The following COPG2 variants were observed in gnomAD, a reference collection of about 807,000 sequenced individuals.
The protein encoded by COPG2 is coatomer subunit gamma-2.
COPG2 carries 37 observed loss-of-function variants against 46.3 expected under a neutral mutation model. That is an observed-to-expected ratio of 0.80 (90% CI 0.61 to 1.05). The LOEUF (loss-of-function observed/expected upper bound fraction) is 1.05, where lower values mean the gene tolerates loss of function less well. Among genes scored for constraint, COPG2 ranks in the 50% least tolerant of loss-of-function variants. The pLI is 0.00. For synonymous variants in COPG2, 159 were observed against 129.7 expected, an observed-to-expected ratio of 1.23 and a Z score of -1.53; for missense variants, 427 against 387.8, an observed-to-expected ratio of 1.10 and a Z score of -0.85.
At chr7:130,518,228 A>T (rs1799694598) in intron 20 of COPG2, among the ~76,000 whole-genome samples, 1 of 152,228 alleles carries the variant, frequency 6.6e-6, no homozygotes, top group Non-Finnish European at 1.5e-5. Context: ...CTATATGTGC[A>T]ATATTTGGTT....
intron 20 of COPG2, among the ~76,000 whole-genome samples, chr7:130,512,052 TAAAAAAAAAAAAA>T (rs1182017221): frequency 1.0e-5 from 1 of 99,150 alleles, no homozygotes; most frequent in African/African-American, 4.7e-5. Context: ...CTGTGTCTTC[TAAAAAAAAAAAAA>T]AAAAAAAAAA....
At chr7:130,587,943 A>T (rs1225154121) in intron 9 of COPG2, among the ~76,000 whole-genome samples, 2 of 152,214 alleles carry the variant, frequency 1.3e-5, no homozygotes, top group Non-Finnish European at 2.9e-5. Context: ...AAACAAATTT[A>T]CAAGAAAAAA....
At chr7:130,523,046 G>C (rs1474647608) in intron 20 of COPG2, among the ~76,000 whole-genome samples, 1 of 148,140 alleles carries the variant, frequency 6.8e-6, no homozygotes, top group African/African-American at 2.5e-5. Flanking sequence ...TTGAAGTCCA[G>C]AGGTGAGGGT....
chr7:130,576,355 T>C (rs1554446222), intron 9 of COPG2, among the ~76,000 whole-genome samples: 2 of 152,250 alleles, frequency 1.3e-5, no homozygotes. Context: ...AAAATTGAAA[T>C]TATATCAAGA....
chr7:130,532,363 G>GA (rs1799835746), intron 20 of COPG2, among the ~76,000 whole-genome samples: 3 of 152,144 alleles, frequency 2.0e-5, no homozygotes, highest in African/African-American at 4.8e-5. Context: ...AGACAGCAGG[G>GA]GATCTGTTGT....
In COPG2 at chr7:130,536,830, G is replaced by A. The variant is rs942297185; in HGVS notation, c.2149+10844C>T. Among the ~76,000 whole-genome samples, 16 of 152,332 alleles carry A rather than the reference G, an allele frequency of 1.1e-4. No individual in the cohort carries two copies. The South Asian group carries it at 3.1e-3, about 30-fold the overall frequency. On this transcript the variant is annotated intron_variant, in intron 20 of 23. Coordinates refer to ENST00000425248, the MANE Select transcript of COPG2 (RefSeq NM_012133.6). ...GACTCGAGGACTCAGGTGGAGGAGT[G>A]AGGCCAAGATAGGGGCCCAGTGACA... is the stretch of plus-strand genomic sequence containing the variant.
At chr7:130,593,287 C>T (rs564056519) in intron 9 of COPG2, among the ~76,000 whole-genome samples, 2 of 152,288 alleles carry the variant, frequency 1.3e-5, no homozygotes, top group African/African-American at 4.8e-5. Flanking sequence ...CCTAAAGTCC[C>T]AATGAATAAA....
intron 20 of COPG2, among the ~76,000 whole-genome samples, chr7:130,530,407 G>C (rs1349790809): frequency 6.6e-6 from 1 of 152,202 alleles, no homozygotes; most frequent in Non-Finnish European, 1.5e-5. Flanking sequence ...AGGCTTGAGT[G>C]GAAGAAGGGA....
At chr7:130,616,701 T>C (rs934039314) in intron 6 of COPG2, among the ~76,000 whole-genome samples, 4 of 152,220 alleles carry the variant, frequency 2.6e-5, no homozygotes, top group Non-Finnish European at 2.9e-5. Flanking sequence ...TGTCCTATAA[T>C]AAAGCTTTTT....
intron 15 of COPG2, among the ~76,000 whole-genome samples, chr7:130,552,104 G>C (rs1276916553): frequency 1.3e-5 from 2 of 152,166 alleles, no homozygotes; most frequent in Non-Finnish European, 2.9e-5. Flanking sequence ...AGGAGTGATG[G>C]AAACATGTAG....
intron 9 of COPG2, among the ~76,000 whole-genome samples, chr7:130,599,896 G>A (rs1283121822): frequency 6.6e-6 from 1 of 152,002 alleles, no homozygotes; most frequent in Non-Finnish European, 1.5e-5. Context: ...TGTATATATT[G>A]GACACACAAC....
intron 4 of COPG2, among the ~76,000 whole-genome samples, chr7:130,659,934 T>A (rs1334771330): frequency 6.6e-6 from 1 of 152,150 alleles, no homozygotes; most frequent in Non-Finnish European, 1.5e-5. Context: ...AAGAAGAAGA[T>A]GTTATTTTTA....
chr7:130,608,206 A>G (rs782596044), intron 9 of COPG2: 2 of 466,870 alleles, frequency 4.3e-6, no homozygotes, highest in South Asian at 3.1e-5. Flanking sequence ...ATAATATACT[A>G]CTGCATGATA....
chr7:130,572,519 T>G (rs1164877633), intron 9 of COPG2, among the ~76,000 whole-genome samples: 1 of 152,168 alleles, frequency 6.6e-6, no homozygotes, highest in Non-Finnish European at 1.5e-5. Flanking sequence ...AGTATGTTGT[T>G]CAACCAGAAC....
chr7:130,633,352 C>G (rs1282916701), intron 5 of COPG2, among the ~76,000 whole-genome samples: 2 of 152,186 alleles, frequency 1.3e-5, no homozygotes, highest in Non-Finnish European at 2.9e-5. Flanking sequence ...CTAATTTACA[C>G]TCCCACCAAC....
chr7:130,610,982 G>A lies in COPG2; in HGVS notation c.708C>T (p.Ala236=). 5 of 1,613,876 alleles carry A rather than the reference G, an allele frequency of 3.1e-6. No homozygotes were observed. Among genetic ancestry groups the A allele is most frequent in the Non-Finnish European group, 3.4e-6 (4 of 1,179,852 alleles). The part of the protein sequence containing the change: ...QFAYCMLIRI[A]SRLLKETEDG... Reference sequence around the variant, plus strand: ...CCTCAGTTTCTTTTAGTAAGCGACTGGCAATTCGGATCAGCATGCAGTAAG... The same window carrying A: ...CCTCAGTTTCTTTTAGTAAGCGACTAGCAATTCGGATCAGCATGCAGTAAG... The change falls in exon 9 of 24, where the codon GCC becomes GCT. Residue 236 remains alanine (A), a synonymous_variant. Coordinates refer to ENST00000425248, the MANE Select transcript of COPG2 (RefSeq NM_012133.6).
At chr7:130,527,387 A>G (rs1799784302) in intron 20 of COPG2, among the ~76,000 whole-genome samples, 3 of 146,122 alleles carry the variant, frequency 2.1e-5, no homozygotes, top group Non-Finnish European at 4.5e-5. Context: ...GCAAAGTAAT[A>G]AATGCTGGAA....
chr7:130,569,559 GTA>G (rs1793859376), intron 9 of COPG2, among the ~76,000 whole-genome samples: 2 of 151,922 alleles, frequency 1.3e-5, no homozygotes. Flanking sequence ...GATTGAAATG[GTA>G]ATAAAAAGTT....
rs1160028427 is a variant in COPG2 at position 130,611,019 on chromosome 7, T to C, written c.671A>G (p.Lys224Arg). The change falls in exon 9 of 24, where the codon AAG (lysine) becomes AGG (arginine). Residue 224 changes from lysine (K) to arginine (R), a missense_variant. Coordinates refer to ENST00000425248, the MANE Select transcript of COPG2 (RefSeq NM_012133.6). ...CAGCATGCAGTAAGCAAACTGTGACTTGAGACCAGATTTAGTAAACTTATT... is the reference window on the plus strand; with the variant it reads ...CAGCATGCAGTAAGCAAACTGTGACCTGAGACCAGATTTAGTAAACTTATT... ...MLNKFTKSGL[K>R]SQFAYCMLIR... 1.2e-6 allele frequency: 2 copies of C among 1,613,842 alleles called. No individual in the cohort carries two copies. The highest frequency in any genetic ancestry group is 1.3e-5 in the African/African-American group (1 of 74,922).
Sources: allele counts gnomAD v4.1 joint callset (sites outside exome capture counted in the v4.1 genomes callset), GRCh38; gene constraint gnomAD v4.1.1; transcripts MANE v1.5; gene names NCBI Gene and HGNC (gene_info 2026-07-23, HGNC 2026-07-21).